Variants in SYT1 observed in about 807,000 individuals in gnomAD.
SYT1 encodes synaptotagmin 1, also known as synaptotagmin-1.
In SYT1, 8 loss-of-function variants were observed where a neutral mutation model predicts 44.8. That is an observed-to-expected ratio of 0.18 (90% CI 0.10 to 0.32). SYT1 has a LOEUF of 0.32. SYT1 is among the 10% of genes least tolerant of loss of function. The probability of loss-of-function intolerance (pLI) is 1.00; values close to 1 mark genes in which losing one functional copy is unlikely to be tolerated. For missense variants in SYT1, 286 were observed against 509.3 expected, an observed-to-expected ratio of 0.56 and a Z score of 4.22; for synonymous variants, 154 against 188.8, an observed-to-expected ratio of 0.82 and a Z score of 1.51.
At chr12:79,144,365 C>T (rs1457130298) in intron 3 of SYT1, among the ~76,000 whole-genome samples, 2 of 152,160 alleles carry the variant, frequency 1.3e-5, no homozygotes, top group Admixed American at 1.3e-4. Flanking sequence ...GGCTCAAATC[C>T]CTTCCCTGAC....
At position 78,975,526 on chromosome 12, in the gene SYT1, C is replaced by T. The variant is rs542801167; in HGVS notation, c.-216-2273C>T. On this transcript the variant is annotated intron_variant, in intron 1 of 10. Coordinates refer to ENST00000261205, the MANE Select transcript of SYT1 (RefSeq NM_005639.3). The stretch of plus-strand genomic sequence containing the variant: ...TTGGCAAAGTGGGTTCTGGTGGGAG[C>T]TGGTAATATCCTTTAAATCATGGGA... Among the ~76,000 whole-genome samples, 8 of 152,242 alleles carry T rather than the reference C, an allele frequency of 5.3e-5. No individual in the cohort carries two copies. In the South Asian group the frequency reaches 1.7e-3, roughly 32 times the overall value.
chr12:79,144,798 C>T (rs182069912), intron 3 of SYT1, among the ~76,000 whole-genome samples: 2 of 152,282 alleles, frequency 1.3e-5, no homozygotes, highest in East Asian at 3.9e-4. Flanking sequence ...GGGAGAAATA[C>T]TCTTGAATCC....
chr12:79,386,336 C>G (rs1022429914), intron 9 of SYT1, among the ~76,000 whole-genome samples: 8 of 150,342 alleles, frequency 5.3e-5, no homozygotes, highest in African/African-American at 2.0e-4. Flanking sequence ...CCTTAGTATT[C>G]ATTAGTTTTC....
chr12:79,398,832 G>C (rs1429199880), intron 9 of SYT1, among the ~76,000 whole-genome samples: 3 of 152,084 alleles, frequency 2.0e-5, no homozygotes, highest in African/African-American at 7.2e-5. Context: ...GTAGGAGAGG[G>C]TACAGAATCT....
At chr12:79,149,560 A>T (rs552048204) in intron 3 of SYT1, among the ~76,000 whole-genome samples, 62 of 152,300 alleles carry the variant, frequency 4.1e-4, no homozygotes, top group Middle Eastern at 3.4e-3. Context: ...GTAACATATA[A>T]CATATTTTTT....
intron 3 of SYT1, among the ~76,000 whole-genome samples, chr12:79,118,163 A>G (rs1879402994): frequency 6.6e-6 from 1 of 152,162 alleles, no homozygotes; most frequent in Non-Finnish European, 1.5e-5. Context: ...TTCTTGAACT[A>G]CATTATCACT....
chr12:79,180,738 C>T (rs543541442), intron 3 of SYT1, among the ~76,000 whole-genome samples: 81 of 152,106 alleles, frequency 5.3e-4, no homozygotes, highest in Non-Finnish European at 9.7e-4. Context: ...GAGAATGGTG[C>T]TAAACCATTC....
intron 3 of SYT1, among the ~76,000 whole-genome samples, chr12:79,107,600 A>C (rs1366759759): frequency 6.6e-6 from 1 of 152,044 alleles, no homozygotes; most frequent in Non-Finnish European, 1.5e-5. Flanking sequence ...TATTCTCTCC[A>C]TTATTTTGGA....
chr12:78,866,646 T>C (rs1873560095), intron 1 of SYT1, among the ~76,000 whole-genome samples: 2 of 152,172 alleles, frequency 1.3e-5, no homozygotes, highest in South Asian at 4.1e-4. Flanking sequence ...GAAGGAGGTA[T>C]AGAGAAATGC....
intron 2 of SYT1, among the ~76,000 whole-genome samples, chr12:78,985,061 A>T (rs965415348): frequency 1.3e-5 from 2 of 151,976 alleles, no homozygotes; most frequent in Non-Finnish European, 2.9e-5. Context: ...AACCAAAAAG[A>T]AACTTACTGA....
chr12:79,386,462 A>T (rs934060413), intron 9 of SYT1, among the ~76,000 whole-genome samples: 2 of 152,014 alleles, frequency 1.3e-5, no homozygotes, highest in African/African-American at 4.8e-5. Context: ...TCAACCCATC[A>T]TCTACATTAG....
intron 9 of SYT1, among the ~76,000 whole-genome samples, chr12:79,439,709 A>T (rs1460873316): frequency 6.6e-6 from 1 of 152,168 alleles, no homozygotes; most frequent in Non-Finnish European, 1.5e-5. Context: ...GCTAGGCATT[A>T]TCATTTTCAC....
intron 4 of SYT1, among the ~76,000 whole-genome samples, chr12:79,241,616 A>T (rs964218391): frequency 2.0e-5 from 3 of 152,240 alleles, no homozygotes; most frequent in Non-Finnish European, 4.4e-5. Flanking sequence ...TATAAAGCAT[A>T]GGAAAATGAC....
chr12:79,130,658 C>G (rs568129941), intron 3 of SYT1, among the ~76,000 whole-genome samples: 2 of 152,268 alleles, frequency 1.3e-5, no homozygotes, highest in African/African-American at 4.8e-5. Context: ...TGAACATCAT[C>G]TGCTTGGGCC....
chr12:79,172,517 T>TA (rs965396273), intron 3 of SYT1, among the ~76,000 whole-genome samples: 3 of 151,854 alleles, frequency 2.0e-5, no homozygotes, highest in Admixed American at 1.3e-4. Context: ...TTTTTGCTGT[T>TA]ATTGTTGTTT....
chr12:78,981,135 T>G lies in SYT1; in HGVS notation c.-84+3204T>G, dbSNP rs1177182169. 4.0e-5 allele frequency among the ~76,000 whole-genome samples: 6 copies of G among 149,782 alleles called. No homozygotes were observed. The East Asian group carries it at 9.7e-4, about 24-fold the overall frequency. ...TTTGTTTGTTTCTTTGTTTTTTTTT[T>G]TTTTTTTTTGAGACGGAGTTTTGCT... On this transcript the variant is annotated intron_variant, in intron 2 of 10. Coordinates refer to ENST00000261205, the MANE Select transcript of SYT1 (RefSeq NM_005639.3).
chr12:78,937,662 C>T (rs541551956), intron 1 of SYT1, among the ~76,000 whole-genome samples: 2 of 151,972 alleles, frequency 1.3e-5, no homozygotes, highest in African/African-American at 2.4e-5. Context: ...AAAAGAGAAA[C>T]GGTGTTTATG....
chr12:79,274,537 G>A (rs745746905), intron 4 of SYT1, among the ~76,000 whole-genome samples: 15 of 152,160 alleles, frequency 9.9e-5, no homozygotes, highest in Non-Finnish European at 1.3e-4. Flanking sequence ...AACCTCCGCT[G>A]CTTTGCATCT....
intron 7 of SYT1, among the ~76,000 whole-genome samples, chr12:79,298,812 CAGTT>C (rs906486337): frequency 2.0e-5 from 3 of 152,096 alleles, no homozygotes; most frequent in Non-Finnish European, 4.4e-5. Flanking sequence ...ATTTCCTAGT[CAGTT>C]CTTGTCAATC....
Sources: gnomAD v4.1 joint callset for allele counts (sites outside exome capture counted in the v4.1 genomes callset) on GRCh38, gnomAD v4.1.1 for gene constraint, MANE v1.5 for transcripts, NCBI Gene and HGNC (gene_info 2026-07-23, HGNC 2026-07-21) for gene names.